Variants in APBB2 observed in about 807,000 individuals in gnomAD.
APBB2 encodes Fe65-like 1.
In APBB2, 38 loss-of-function variants were observed where a neutral mutation model predicts 82.5. That is an observed-to-expected ratio of 0.46 (90% CI 0.36 to 0.60). APBB2 has a LOEUF of 0.60. APBB2 is among the 20% of genes least tolerant of loss of function. The probability of loss-of-function intolerance (pLI) is 0.00; values close to 1 mark genes in which losing one functional copy is unlikely to be tolerated. For missense variants in APBB2, 772 were observed against 972.3 expected, an observed-to-expected ratio of 0.79 and a Z score of 2.74; for synonymous variants, 341 against 368.2, an observed-to-expected ratio of 0.93 and a Z score of 0.85.
chr4:41,006,524 T>C (rs1806791573), intron 6 of APBB2, among the ~76,000 whole-genome samples: 1 of 152,144 alleles, frequency 6.6e-6, no homozygotes, highest in Non-Finnish European at 1.5e-5. Flanking sequence ...AGTGTAATGG[T>C]GTGATCTCGG....
At chr4:40,982,383 GAAGGAAGGA>G (rs1213678733) in intron 6 of APBB2, among the ~76,000 whole-genome samples, 650 of 14,664 alleles carry the variant, frequency 0.044, 38 homozygotes, top group Middle Eastern at 0.12. Flanking sequence ...AGGAAGGAAG[GAAGGAAGGA>G]AAGGAAAGGA....
intron 6 of APBB2, among the ~76,000 whole-genome samples, chr4:40,982,009 A>AC (rs1310488749): frequency 1.3e-5 from 2 of 151,180 alleles, no homozygotes; most frequent in Non-Finnish European, 2.9e-5. Flanking sequence ...ACATGGTGAA[A>AC]CCCCATCTCT....
intron 3 of APBB2, among the ~76,000 whole-genome samples, chr4:41,074,484 T>C (rs1373930315): frequency 1.3e-5 from 2 of 152,128 alleles, no homozygotes; most frequent in Non-Finnish European, 2.9e-5. Context: ...AACCTGCAAA[T>C]AGAAAGATTT....
intron 10 of APBB2, among the ~76,000 whole-genome samples, chr4:40,913,438 C>A (rs1033072177): frequency 1.3e-5 from 2 of 152,212 alleles, no homozygotes; most frequent in African/African-American, 4.8e-5. Flanking sequence ...TGAGTCCACT[C>A]GGAATAATGC....
At chr4:40,948,238 A>C (rs1788994694) in intron 6 of APBB2, among the ~76,000 whole-genome samples, 1 of 152,308 alleles carries the variant, frequency 6.6e-6, no homozygotes, top group East Asian at 1.9e-4. Flanking sequence ...CACCATCATA[A>C]TTCATTTTGT....
In APBB2 at chr4:40,996,899, T is replaced by C. The variant is rs189356819; in HGVS notation, c.835+16684A>G. ...TATTTATGGTTTCTTTGAATAAACA[T>C]AGAAATTGATCCTCCCAGTCTTAAA... On this transcript the variant is annotated intron_variant, in intron 6 of 17. Coordinates refer to ENST00000508593, the MANE Select transcript of APBB2 (RefSeq NM_004307.2). 3.3e-5 allele frequency among the ~76,000 whole-genome samples: 5 copies of C among 152,294 alleles called. No individual in the cohort carries two copies. The East Asian group carries it at 5.8e-4, about 18-fold the overall frequency.
intron 2 of APBB2, among the ~76,000 whole-genome samples, chr4:41,121,903 G>GTGTGTGTA (rs1220833121): frequency 9.9e-5 from 15 of 152,050 alleles, no homozygotes; most frequent in East Asian, 7.7e-4. Flanking sequence ...TTGTGTGTGT[G>GTGTGTGTA]TGTGTGTATG....
intron 12 of APBB2, among the ~76,000 whole-genome samples, chr4:40,872,526 C>G (rs1044878503): frequency 1.3e-5 from 2 of 152,152 alleles, no homozygotes; most frequent in African/African-American, 4.8e-5. Context: ...AGAACCATGG[C>G]GTTCTCATTC....
At chr4:41,120,928 T>A (rs1233642033) in intron 2 of APBB2, among the ~76,000 whole-genome samples, 1 of 152,236 alleles carries the variant, frequency 6.6e-6, no homozygotes, top group African/African-American at 2.4e-5. Flanking sequence ...CCTGGCTTTA[T>A]ATACACAGAT....
intron 2 of APBB2, among the ~76,000 whole-genome samples, chr4:41,124,319 C>T (rs1753767970): frequency 1.3e-5 from 2 of 152,118 alleles, no homozygotes; most frequent in African/African-American, 2.4e-5. Flanking sequence ...CCCGCATTCA[C>T]GCCATTCTCC....
intron 3 of APBB2, among the ~76,000 whole-genome samples, chr4:41,078,850 A>G (rs1311797652): frequency 6.6e-6 from 1 of 152,186 alleles, no homozygotes; most frequent in Non-Finnish European, 1.5e-5. Context: ...TGTTTGGGGA[A>G]TTCCTCATCA....
At chr4:41,006,045 T>C (rs1050280358) in intron 6 of APBB2, among the ~76,000 whole-genome samples, 2 of 152,218 alleles carry the variant, frequency 1.3e-5, no homozygotes, top group Non-Finnish European at 2.9e-5. Context: ...TGTAATCACC[T>C]TTCCGTCCCC....
At chr4:40,865,652 T>C (rs1191215311) in intron 12 of APBB2, among the ~76,000 whole-genome samples, 1 of 152,254 alleles carries the variant, frequency 6.6e-6, no homozygotes, top group Admixed American at 6.5e-5. Flanking sequence ...TTTGCATGGA[T>C]GTACAAGAGT....
intron 2 of APBB2, among the ~76,000 whole-genome samples, chr4:41,133,216 A>T (rs1043025059): frequency 2.0e-5 from 3 of 152,250 alleles, no homozygotes; most frequent in African/African-American, 7.2e-5. Context: ...ATTCTTTACA[A>T]ATATGCTACA....
chr4:41,048,998 G>C (rs974245573), intron 4 of APBB2, among the ~76,000 whole-genome samples: 1 of 152,102 alleles, frequency 6.6e-6, no homozygotes, highest in Non-Finnish European at 1.5e-5. Flanking sequence ...GCAGTGGCGT[G>C]ATCTCGGCTA....
intron 15 of APBB2, among the ~76,000 whole-genome samples, chr4:40,824,951 T>A (rs1323903779): frequency 1.3e-5 from 2 of 152,190 alleles, no homozygotes; most frequent in African/African-American, 2.4e-5. Context: ...GCGTTTCATA[T>A]GAACGTAATC....
chr4:41,014,197 T>TTAGG lies in APBB2; in HGVS notation c.220_221insCCTA (p.Asn74ThrfsTer2). On this transcript the variant is annotated stop_gained and frameshift_variant, in exon 6 of 18. Coordinates refer to ENST00000508593, the MANE Select transcript of APBB2 (RefSeq NM_004307.2). LOFTEE classifies it high-confidence loss of function. Reference sequence around the variant, plus strand: ...CGAGAGGCCCATGGCCGCCTGGATGTTAGTTAGTGCATATTTTTTCCTGCA... The same window carrying TTAGG: ...CGAGAGGCCCATGGCCGCCTGGATGTTAGGTAGTTAGTGCATATTTTTTCCTGCA... 6.2e-7 allele frequency: 1 copy of TTAGG among 1,614,186 alleles called. No homozygotes were observed. Among genetic ancestry groups the TTAGG allele is most frequent in the Non-Finnish European group, 8.5e-7 (1 of 1,180,030 alleles).
chr4:40,840,550 T>G (rs1258451930), intron 12 of APBB2, among the ~76,000 whole-genome samples: 35 of 152,174 alleles, frequency 2.3e-4, no homozygotes, highest in Admixed American at 2.3e-3. Flanking sequence ...ATCACTAATT[T>G]CACAAAGTTC....
chr4:41,113,594 C>T (rs928072968), intron 2 of APBB2, among the ~76,000 whole-genome samples: 3 of 152,082 alleles, frequency 2.0e-5, no homozygotes, highest in Non-Finnish European at 4.4e-5. Context: ...CAATACACAG[C>T]CTTTTGCCTG....
Sources: allele counts gnomAD v4.1 joint callset (sites outside exome capture counted in the v4.1 genomes callset), GRCh38; gene constraint gnomAD v4.1.1; transcripts MANE v1.5; gene names NCBI Gene and HGNC (gene_info 2026-07-23, HGNC 2026-07-21).